MMP20: variants seen among roughly 807,000 people sequenced by gnomAD.
MMP20 encodes matrix metalloproteinase-20.
A neutral mutation model predicts 51.8 loss-of-function variants in MMP20; 50 were observed. The ratio of observed to expected loss-of-function variants is 0.97; its 90% CI spans 0.77 to 1.22. The LOEUF (loss-of-function observed/expected upper bound fraction) is 1.22. Among genes scored for constraint, MMP20 ranks in the 50% most tolerant of loss-of-function variants. The pLI is 0.00. For missense variants in MMP20, 663 were observed against 601.4 expected, an observed-to-expected ratio of 1.10 and a Z score of -1.07; for synonymous variants, 244 against 216.2, an observed-to-expected ratio of 1.13 and a Z score of -1.13.
intron 1 of MMP20, among the ~76,000 whole-genome samples, chr11:102,619,701 T>C (rs564652196): frequency 1.1e-3 from 169 of 152,274 alleles, no homozygotes; most frequent in Non-Finnish European, 1.1e-3. Flanking sequence ...ATGAAAGATA[T>C]AGTCTAAGGG....
At chr11:102,591,321 A>G (rs1444921314) in intron 8 of MMP20, among the ~76,000 whole-genome samples, 1 of 152,254 alleles carries the variant, frequency 6.6e-6, no homozygotes, top group Non-Finnish European at 1.5e-5. Flanking sequence ...CAGCAATTTC[A>G]GTCCAATGTT....
At chr11:102,585,108 G>A (rs1307199198) in intron 8 of MMP20, among the ~76,000 whole-genome samples, 2 of 152,072 alleles carry the variant, frequency 1.3e-5, no homozygotes. Flanking sequence ...AGGCCCGTGA[G>A]TTTCGAGTTT....
In MMP20 at chr11:102,612,607, T is replaced by C. The variant is rs138170453; in HGVS notation, c.375-704A>G. On this transcript the variant is annotated intron_variant, in intron 2 of 9. Transcript: ENST00000260228. Reference sequence around the variant, plus strand: ...ACTGGATGTTTTCAATTATAAAAAATAGAAATGTGGAGTTTTGAAGTTTTG... The same window carrying C: ...ACTGGATGTTTTCAATTATAAAAAACAGAAATGTGGAGTTTTGAAGTTTTG... Among the ~76,000 whole-genome samples, 1,028 of 152,158 alleles carry C rather than the reference T, an allele frequency of 6.8e-3. 17 individuals carry two copies. Among genetic ancestry groups the C allele is most frequent in the African/African-American group, 0.024 (978 of 41,540 alleles).
chr11:102,594,059 G>A (rs1005154437), intron 7 of MMP20, among the ~76,000 whole-genome samples: 4 of 152,112 alleles, frequency 2.6e-5, no homozygotes, highest in South Asian at 2.1e-4. Flanking sequence ...TTGTCACAAC[G>A]CACCTTCAAG....
At chr11:102,596,014 G>T (rs796372835) in intron 6 of MMP20, among the ~76,000 whole-genome samples, 12 of 152,262 alleles carry the variant, frequency 7.9e-5, no homozygotes, top group African/African-American at 2.9e-4. Flanking sequence ...TATTTATGGA[G>T]CACCTATCAT....
intron 6 of MMP20, among the ~76,000 whole-genome samples, chr11:102,599,012 C>CTTT (rs3046928): frequency 7.8e-6 from 1 of 127,926 alleles, no homozygotes; most frequent in African/African-American, 3.0e-5. Flanking sequence ...TTTCTTCTAT[C>CTTT]TTTTTTTTTT....
chr11:102,586,549 C>G (rs928422841), intron 8 of MMP20, among the ~76,000 whole-genome samples: 4 of 152,034 alleles, frequency 2.6e-5, no homozygotes, highest in Non-Finnish European at 4.4e-5. Context: ...CACAGTGGCT[C>G]ACACCTGTAA....
At chr11:102,615,013 A>T (rs1859649688) in intron 2 of MMP20, among the ~76,000 whole-genome samples, 2 of 149,326 alleles carry the variant, frequency 1.3e-5, no homozygotes, top group Admixed American at 1.3e-4. Context: ...GCAATATGTT[A>T]TTACCTTTAT....
rs74898498 is a variant in MMP20, at chr11:102,614,778, A to T, written c.374+2034T>A. Among the ~76,000 whole-genome samples, 468 of 146,374 alleles carry T rather than the reference A, an allele frequency of 3.2e-3. 9 individuals are homozygous for T. The East Asian group carries it at 0.059, about 19-fold the overall frequency. ...AATGGACTCACTGGTGTGCTGGAACAGGTTAACAAGTGGCTCTACAAGGAG... is the reference window on the plus strand; with the variant it reads ...AATGGACTCACTGGTGTGCTGGAACTGGTTAACAAGTGGCTCTACAAGGAG... On this transcript the variant is annotated intron_variant, in intron 2 of 9. Coordinates refer to ENST00000260228, the MANE Select transcript of MMP20 (RefSeq NM_004771.4).
Position 102,593,489 on chromosome 11 carries a change from G to A in MMP20, c.1197C>T (p.Tyr399=). The A allele has an allele frequency of 6.2e-7, 1 of 1,614,186 alleles. No individual in the cohort carries two copies. The highest frequency in any genetic ancestry group is 1.1e-5 in the South Asian group (1 of 91,086). ...RHVQQIDAAV[Y]LREPQKTLFF... ...AAAGGGTCTTCTGTGGCTCCCTGAG[G>A]TAGACAGCAGCATCTATTTGCTGCA... is the stretch of plus-strand genomic sequence containing the variant. The change falls in exon 8 of 10, where the codon TAC becomes TAT. Residue 399 remains tyrosine (Y), a synonymous_variant. Transcript: ENST00000260228.
At chr11:102,584,642 G>C (rs1339318939) in intron 8 of MMP20, among the ~76,000 whole-genome samples, 1 of 152,052 alleles carries the variant, frequency 6.6e-6, no homozygotes, top group Non-Finnish European at 1.5e-5. Flanking sequence ...AATCCAACTT[G>C]TCCTTTTTTT....
At chr11:102,624,819 A>G (rs1035370660) in intron 1 of MMP20, among the ~76,000 whole-genome samples, 1 of 152,064 alleles carries the variant, frequency 6.6e-6, no homozygotes, top group Non-Finnish European at 1.5e-5. Context: ...TAAATTCACA[A>G]CCTGCCTCTA....
intron 6 of MMP20, 130 bp downstream of exon 6, chr11:102,606,405 C>T: frequency 1.6e-6 from 2 of 1,247,494 alleles, no homozygotes; most frequent in East Asian, 2.5e-5. Context: ...CTGCCTACCA[C>T]CCTTCTGCTG....
At chr11:102,623,796 G>T (rs150714663) in intron 1 of MMP20, among the ~76,000 whole-genome samples, 7 of 152,316 alleles carry the variant, frequency 4.6e-5, no homozygotes, top group East Asian at 1.9e-4. Context: ...TCTGGCCTCA[G>T]CATGGCTCTC....
chr11:102,594,627 A>G lies in MMP20; in HGVS notation c.1084T>C (p.Phe362Leu). Residue 362 changes from phenylalanine (F) to leucine (L), a missense_variant, in exon 7 of 10, where the codon TTC becomes CTC. By Grantham distance (22) the Phe-to-Leu change is conservative. Coordinates refer to ENST00000260228, the MANE Select transcript of MMP20 (RefSeq NM_004771.4). Reference sequence around the variant, plus strand: ...TGAGGGATCTGTAGGGTACCTTTGAAGAAGTAAGCAGTGCCCCTCTCAGCC... The same window carrying G: ...TGAGGGATCTGTAGGGTACCTTTGAGGAAGTAAGCAGTGCCCCTCTCAGCC... Reference protein sequence around the residue: ...EVAERGTAYFFKGPHYWITRG... With the variant: ...EVAERGTAYFLKGPHYWITRG... 1.9e-6 allele frequency: 3 copies of G among 1,613,756 alleles called. No homozygotes were observed. Among genetic ancestry groups the G allele is most frequent in the Non-Finnish European group, 2.5e-6 (3 of 1,179,976 alleles).
At chr11:102,578,980 C>A (rs1591606748) in intron 9 of MMP20, 59 bp downstream of exon 9, 1 of 1,308,654 alleles carries the variant, frequency 7.6e-7, no homozygotes, top group East Asian at 2.3e-5. Context: ...TGTGTTAAAG[C>A]AAAGCCAAGA....
chr11:102,609,846 G>C (rs902385105), intron 4 of MMP20, 59 bp downstream of exon 4: 14 of 1,611,400 alleles, frequency 8.7e-6, no homozygotes, highest in African/African-American at 2.7e-5. Context: ...AAGGTTTCAT[G>C]ATGGAGCCCA....
Position 102,578,412 on chromosome 11 carries a change from C to T in MMP20, c.1351+627G>A, listed in dbSNP as rs548660767. ...TCATCCTCCCAAAGTGCTGGAATTA[C>T]AGGTGTGTGTCACTGTGCCCAACCA... On this transcript the variant is annotated intron_variant, in intron 9 of 9. Transcript: ENST00000260228. Among the ~76,000 whole-genome samples, 8 of 152,276 alleles carry T rather than the reference C, an allele frequency of 5.3e-5. No individual in the cohort carries two copies. In the South Asian group the frequency reaches 1.4e-3, roughly 28 times the overall value.
intron 2 of MMP20, among the ~76,000 whole-genome samples, chr11:102,615,920 C>A (rs1859663845): frequency 6.6e-6 from 1 of 152,112 alleles, no homozygotes; most frequent in African/African-American, 2.4e-5. Context: ...CTACCTCAGG[C>A]TGAGGGGCAG....
Sources: allele counts gnomAD v4.1 joint callset (sites outside exome capture counted in the v4.1 genomes callset), GRCh38; gene constraint gnomAD v4.1.1; transcripts MANE v1.5; gene names NCBI Gene and HGNC (gene_info 2026-07-23, HGNC 2026-07-21).